The following GULP1 variants were observed in gnomAD, a reference collection of about 807,000 sequenced individuals.
GULP1 encodes PTB domain-containing engulfment adapter protein 1.
Under a neutral mutation model 40.9 loss-of-function variants are expected in GULP1, and 19 were observed. That is an observed-to-expected ratio of 0.46 (90% CI 0.32 to 0.68). GULP1 has a LOEUF of 0.68. GULP1 is among the 30% of genes least tolerant of loss of function. The probability of loss-of-function intolerance (pLI) is 0.03; values close to 1 mark genes in which losing one functional copy is unlikely to be tolerated. For synonymous variants in GULP1, 119 were observed against 117.6 expected (o/e 1.01, Z -0.08); for missense variants, 312 against 362.2 (o/e 0.86, Z 1.12).
intron 4 of GULP1, among the ~76,000 whole-genome samples, chr2:188,506,424 G>A (rs2063921819): frequency 6.6e-6 from 1 of 151,860 alleles, no homozygotes; most frequent in Non-Finnish European, 1.5e-5. Context: ...GTAGTATGGA[G>A]CAATTTAATT....
intron 1 of GULP1, among the ~76,000 whole-genome samples, chr2:188,363,170 G>T (rs1412898347): frequency 6.6e-6 from 1 of 151,944 alleles, no homozygotes; most frequent in Non-Finnish European, 1.5e-5. Context: ...AAGTGTATTT[G>T]TAAGAATTTA....
intron 6 of GULP1, among the ~76,000 whole-genome samples, chr2:188,535,956 G>T (rs1202689483): frequency 1.3e-5 from 2 of 152,054 alleles, no homozygotes; most frequent in African/African-American, 2.4e-5. Context: ...GTGATGTGGA[G>T]CATTTTTTTC....
At chr2:188,500,838 A>G (rs2063362637) in intron 4 of GULP1, among the ~76,000 whole-genome samples, 2 of 151,838 alleles carry the variant, frequency 1.3e-5, no homozygotes, top group South Asian at 2.1e-4. Flanking sequence ...CTTAATTCGT[A>G]TCTTCTAACC....
intron 2 of GULP1, among the ~76,000 whole-genome samples, chr2:188,444,022 T>A (rs1420047167): frequency 6.6e-6 from 1 of 152,194 alleles, no homozygotes; most frequent in Non-Finnish European, 1.5e-5. Flanking sequence ...TCCTATTTTC[T>A]TTCCTAGTAC....
intron 2 of GULP1, among the ~76,000 whole-genome samples, chr2:188,438,319 A>G (rs960393202): frequency 2.5e-4 from 38 of 151,958 alleles, no homozygotes; most frequent in African/African-American, 9.2e-4. Flanking sequence ...GCTTGCCCTC[A>G]TGAAGTCACA....
At chr2:188,490,840 G>A (rs1366240353) in intron 4 of GULP1, among the ~76,000 whole-genome samples, 2 of 151,962 alleles carry the variant, frequency 1.3e-5, no homozygotes, top group East Asian at 1.9e-4. Flanking sequence ...GTCTTACTGT[G>A]TCACCCAGGC....
At chr2:188,484,217 T>G (rs1346169047) in intron 4 of GULP1, among the ~76,000 whole-genome samples, 1 of 152,180 alleles carries the variant, frequency 6.6e-6, no homozygotes, top group Non-Finnish European at 1.5e-5. Flanking sequence ...CTAAATTATT[T>G]TTAAAAAGCA....
At chr2:188,443,044 C>A (rs76304330) in intron 2 of GULP1, among the ~76,000 whole-genome samples, 33 of 152,250 alleles carry the variant, frequency 2.2e-4, no homozygotes, top group African/African-American at 7.7e-4. Context: ...AATCCCTTAA[C>A]TGTTCATAGT....
intron 3 of GULP1, among the ~76,000 whole-genome samples, chr2:188,482,754 C>G (rs571246088): frequency 1.3e-5 from 2 of 150,958 alleles, no homozygotes; most frequent in Non-Finnish European, 3.0e-5. Flanking sequence ...TATATTCTAT[C>G]CTTTTATTTC....
At chr2:188,522,120 G>T (rs1005919903) in intron 4 of GULP1, among the ~76,000 whole-genome samples, 2 of 152,070 alleles carry the variant, frequency 1.3e-5, no homozygotes, top group Non-Finnish European at 2.9e-5. Flanking sequence ...CAGTACAATT[G>T]TAGATCATGT....
In GULP1 at chr2:188,292,438, G is replaced by A. The variant is rs887998746; in HGVS notation, c.-172+272G>A. ...TGGCAGCGCTTGAGAAATGACTGGG[G>A]GAGTCCAGCGAGGTCGGGGACGCAG... On this transcript the variant is annotated intron_variant, in intron 1 of 11. Transcript: ENST00000409830. This position sits in a 1 kb window ranked among gnomAD's most constrained non-coding sequence, Gnocchi z 4.0. 6.6e-6 allele frequency among the ~76,000 whole-genome samples: 1 copy of A among 152,176 alleles called. No individual in the cohort carries two copies. Among genetic ancestry groups the A allele is most frequent in the African/African-American group, 2.4e-5 (1 of 41,448 alleles).
At chr2:188,444,822 CAG>C (rs1260795679) in intron 2 of GULP1, among the ~76,000 whole-genome samples, 1 of 152,146 alleles carries the variant, frequency 6.6e-6, no homozygotes, top group African/African-American at 2.4e-5. Context: ...AAGCTTTAGA[CAG>C]AGTTTACTAA....
chr2:188,504,715 C>T (rs1219758508), intron 4 of GULP1, among the ~76,000 whole-genome samples: 1 of 151,800 alleles, frequency 6.6e-6, no homozygotes. Context: ...GGTGAAATCA[C>T]ATATTAATCC....
At chr2:188,470,368 G>T (rs575083003) in intron 2 of GULP1, among the ~76,000 whole-genome samples, 2 of 152,180 alleles carry the variant, frequency 1.3e-5, no homozygotes, top group Admixed American at 1.3e-4. Flanking sequence ...AGCCACTAAT[G>T]ATCCTTTGAA....
At chr2:188,371,167 A>G (rs889203851) in intron 1 of GULP1, among the ~76,000 whole-genome samples, 10 of 152,162 alleles carry the variant, frequency 6.6e-5, no homozygotes, top group African/African-American at 2.4e-4. Flanking sequence ...ACAAATGGTT[A>G]TATTCTTTCA....
intron 4 of GULP1, among the ~76,000 whole-genome samples, chr2:188,495,223 G>A (rs1206198371): frequency 6.6e-6 from 1 of 152,040 alleles, no homozygotes; most frequent in Non-Finnish European, 1.5e-5. Context: ...GAAATGTAAA[G>A]AGGGAACTCA....
At chr2:188,347,700 ACTTC>A (rs1368789734) in intron 1 of GULP1, among the ~76,000 whole-genome samples, 3 of 150,458 alleles carry the variant, frequency 2.0e-5, no homozygotes, top group Admixed American at 6.7e-5. Flanking sequence ...TGCAACCTTA[ACTTC>A]CCAGGCTCAA....
At chr2:188,319,369 G>T (rs949391250) in intron 1 of GULP1, among the ~76,000 whole-genome samples, 2 of 152,036 alleles carry the variant, frequency 1.3e-5, no homozygotes, top group African/African-American at 4.8e-5. Flanking sequence ...CATTATTCCA[G>T]TACAAAATTT....
At chr2:188,342,419 TC>T (rs1215318479) in intron 1 of GULP1, among the ~76,000 whole-genome samples, 2 of 152,172 alleles carry the variant, frequency 1.3e-5, no homozygotes, top group Non-Finnish European at 2.9e-5. Context: ...ACACTGATCA[TC>T]ACTGGATTTA....
Sources: allele counts gnomAD v4.1 joint callset (sites outside exome capture counted in the v4.1 genomes callset), GRCh38; gene constraint gnomAD v4.1.1; non-coding constraint Gnocchi (gnomAD v3.1); transcripts MANE v1.5; gene names NCBI Gene and HGNC (gene_info 2026-07-23, HGNC 2026-07-21).